The following CLEC16A variants were observed in gnomAD, a reference collection of about 807,000 sequenced individuals.
CLEC16A encodes C-type lectin domain containing 16A, also known as protein CLEC16A.
In CLEC16A, 51 loss-of-function variants were observed where a neutral mutation model predicts 109.5. That is an observed-to-expected ratio of 0.47 (90% CI 0.37 to 0.59). CLEC16A has a LOEUF of 0.59. Ranked by LOEUF, CLEC16A falls within the 20% of genes least tolerant of loss-of-function variation. The pLI is 0.00. For missense variants in CLEC16A, 1,339 were observed against 1,394.0 expected, an observed-to-expected ratio of 0.96 and a Z score of 0.63; for synonymous variants, 673 against 564.2, an observed-to-expected ratio of 1.19 and a Z score of -2.73.
intron 19 of CLEC16A, among the ~76,000 whole-genome samples, chr16:11,117,478 T>A (rs554868225): frequency 1.9e-4 from 29 of 152,354 alleles, no homozygotes; most frequent in African/African-American, 7.0e-4. Context: ...ATTTTTATCA[T>A]CTTTCATTTA....
At chr16:10,983,893 C>G (rs558396379) in intron 10 of CLEC16A, among the ~76,000 whole-genome samples, 98 of 150,690 alleles carry the variant, frequency 6.5e-4, no homozygotes, top group African/African-American at 2.4e-3. Context: ...GGGATCTCAC[C>G]TGTCACTGAA....
At position 10,944,750 on chromosome 16, in the gene CLEC16A, G is replaced by C; in HGVS notation, c.33G>C (p.Gly11=). The change falls in exon 1 of 24, where the codon GGG becomes GGC. Residue 11 remains glycine (G), a synonymous_variant. Transcript: ENST00000409790. MFGRSRSWVG[G]GHGKTSRNIH... ...GCCGCTCGCGGAGCTGGGTGGGCGGGGGCCATGGCAAGACTTCCCGCAACA... is the reference window on the plus strand; with the variant it reads ...GCCGCTCGCGGAGCTGGGTGGGCGGCGGCCATGGCAAGACTTCCCGCAACA... 1.2e-6 allele frequency: 2 copies of C among 1,609,790 alleles called. No individual in the cohort carries two copies. Among genetic ancestry groups the C allele is most frequent in the South Asian group, 1.1e-5 (1 of 90,414 alleles).
At chr16:10,987,758 T>C (rs982248092) in intron 10 of CLEC16A, among the ~76,000 whole-genome samples, 29 of 152,252 alleles carry the variant, frequency 1.9e-4, no homozygotes, top group African/African-American at 7.0e-4. Flanking sequence ...AACAGACTCC[T>C]ATTGTTTCCT....
At chr16:11,130,756 A>G (rs2053151043) in intron 22 of CLEC16A, among the ~76,000 whole-genome samples, 1 of 152,176 alleles carries the variant, frequency 6.6e-6, no homozygotes, top group South Asian at 2.1e-4. Flanking sequence ...GCTTCTGCCT[A>G]GATAATAATT....
chr16:11,174,042 TC>T lies in CLEC16A; in HGVS notation c.2807-4292del. 2.6e-6 allele frequency: 1 copy of T among 383,876 alleles called. No individual in the cohort carries two copies. The highest frequency in any genetic ancestry group is 7.7e-5 in the East Asian group (1 of 13,048). 23.8% of individuals were successfully genotyped at this position (383,876 alleles called of 1,614,324 possible). ...CATGCTGGGCACTGCCCCACGACCC[TC>T]GCCCCTCGTCAGTGCTCAGCGTCCG... On this transcript the variant is annotated intron_variant, in intron 23 of 23. Transcript: ENST00000409790. The surrounding 1 kb of genome is among the most constrained non-coding windows in gnomAD (Gnocchi z 4.7).
chr16:11,103,691 C>T (rs188272021), intron 19 of CLEC16A, among the ~76,000 whole-genome samples: 14 of 152,274 alleles, frequency 9.2e-5, no homozygotes, highest in Admixed American at 9.2e-4. Context: ...TGCTGTGGCT[C>T]TTGTCCCATG....
chr16:11,010,370 T>C (rs1026661239), intron 11 of CLEC16A, among the ~76,000 whole-genome samples: 2 of 152,208 alleles, frequency 1.3e-5, no homozygotes, highest in African/African-American at 4.8e-5. Context: ...TTTTTGTAGT[T>C]GCTTTCTATT....
chr16:10,972,611 A>G (rs1038079972), intron 6 of CLEC16A, 52 bp downstream of exon 6: 3 of 1,518,620 alleles, frequency 2.0e-6, no homozygotes, highest in Non-Finnish European at 2.7e-6. Context: ...CTTATATGTA[A>G]ATACCTTGCT....
At position 10,961,211 on chromosome 16, in the gene CLEC16A, G is replaced by T. The variant is rs533469960; in HGVS notation, c.210-1244G>T. On this transcript the variant is annotated intron_variant, in intron 2 of 23. Transcript: ENST00000409790. The surrounding 1 kb of genome is among the most constrained non-coding windows in gnomAD (Gnocchi z 4.3). Reference sequence around the variant, plus strand: ...TAGGCCAAATGACAGAAATACTCTGGAGGTCAACATGAATGGCATTTACAG... The same window carrying T: ...TAGGCCAAATGACAGAAATACTCTGTAGGTCAACATGAATGGCATTTACAG... Among the ~76,000 whole-genome samples, 1 of 152,206 alleles carries T rather than the reference G, an allele frequency of 6.6e-6. No individual in the cohort carries two copies. Among genetic ancestry groups the T allele is most frequent in the Non-Finnish European group, 1.5e-5 (1 of 68,050 alleles).
chr16:11,066,182 G>C (rs893826322), intron 19 of CLEC16A, among the ~76,000 whole-genome samples: 6 of 152,202 alleles, frequency 3.9e-5, no homozygotes, highest in Middle Eastern at 3.4e-3. Context: ...TTGCTGGGAG[G>C]AGTAGATGAG....
At chr16:10,979,106 A>G (rs2043177991) in intron 8 of CLEC16A, among the ~76,000 whole-genome samples, 2 of 152,280 alleles carry the variant, frequency 1.3e-5, no homozygotes, top group Admixed American at 6.5e-5. Context: ...TAATGGTGAA[A>G]GGTTTCTCAG....
intron 22 of CLEC16A, among the ~76,000 whole-genome samples, chr16:11,134,405 A>G (rs1205627663): frequency 2.0e-5 from 3 of 152,172 alleles, no homozygotes; most frequent in Non-Finnish European, 4.4e-5. Context: ...GGAAGCTGGT[A>G]TCACTTGCTC....
At chr16:11,120,583 G>A (rs758582107) in intron 19 of CLEC16A, 32 bp from the exon 20 acceptor site, 1 of 1,588,176 alleles carries the variant, frequency 6.3e-7, no homozygotes, top group South Asian at 1.2e-5. Context: ...GCCAGACTGT[G>A]CCTCATTCTC....
chr16:11,150,267 A>T (rs2054242443), intron 22 of CLEC16A: 1 of 152,214 alleles, frequency 6.6e-6, no homozygotes, highest in South Asian at 2.1e-4. Context: ...ATGGATCTGT[A>T]ATTGTGTTAA....
intron 11 of CLEC16A, among the ~76,000 whole-genome samples, chr16:11,012,660 G>A (rs1451513786): frequency 2.7e-5 from 4 of 147,832 alleles, no homozygotes; most frequent in South Asian, 2.2e-4. Flanking sequence ...TTACTTACCC[G>A]ATTTTTGGTG....
In CLEC16A at chr16:11,043,839, A is replaced by T. The variant is rs570311940; in HGVS notation, c.1771-189A>T. Among the ~76,000 whole-genome samples the T allele has an allele frequency of 5.3e-5, 8 of 151,802 alleles. No homozygotes were observed. In the South Asian group the frequency reaches 1.5e-3, roughly 28 times the overall value. On this transcript the variant is annotated intron_variant, in intron 15 of 23. Transcript: ENST00000409790. ...AAGATCACACCACTGCACTCCATGC[A>T]CTCCAGCCTGGGTGACAGAACAAGA...
chr16:11,024,077 G>T (rs1405312266), intron 12 of CLEC16A: 1 of 152,240 alleles, frequency 6.6e-6, no homozygotes, highest in African/African-American at 2.4e-5. Flanking sequence ...GTCAGAGAAA[G>T]TCAGCCTGAG....
In CLEC16A at chr16:11,166,434, G is replaced by T. The variant is rs1291985398; in HGVS notation, c.2688G>T (p.Leu896=). The stretch of plus-strand genomic sequence containing the variant: ...TAAACCAGCACAGCTCCCCGTCCCT[G>T]TCCTCACAGTCGCCACCCTCCGCCA... ...QCINQHSSPS[L]SSQSPPSASG... The change falls in exon 23 of 24, where the codon CTG becomes CTT. Residue 896 remains leucine, a synonymous_variant. Coordinates refer to ENST00000409790, the MANE Select transcript of CLEC16A (RefSeq NM_015226.3). 2 of 1,606,870 alleles carry T rather than the reference G, an allele frequency of 1.2e-6. No homozygotes were observed. Among genetic ancestry groups the T allele is most frequent in the East Asian group, 4.5e-5 (2 of 44,860 alleles).
chr16:11,172,593 T>A (rs1018384988), intron 23 of CLEC16A, among the ~76,000 whole-genome samples: 17 of 152,066 alleles, frequency 1.1e-4, no homozygotes, highest in Non-Finnish European at 2.2e-4. Flanking sequence ...CATTCATTTT[T>A]AAAAAACAAA....
Sources: allele counts gnomAD v4.1 joint callset (sites outside exome capture counted in the v4.1 genomes callset), GRCh38; gene constraint gnomAD v4.1.1; non-coding constraint Gnocchi (gnomAD v3.1); transcripts MANE v1.5; gene names NCBI Gene and HGNC (gene_info 2026-07-23, HGNC 2026-07-21).